The following PARG variants were observed in gnomAD, a reference collection of about 807,000 sequenced individuals.
PARG encodes mitochondrial poly(ADP-ribose) glycohydrolase.
In PARG, 35 loss-of-function variants were observed where a neutral mutation model predicts 113.0. The observed-to-expected ratio is 0.31, with a 90% confidence interval of 0.24 to 0.41. The LOEUF is 0.41. Ranked by LOEUF, PARG falls within the 10% of genes least tolerant of loss-of-function variation. The probability of loss-of-function intolerance (pLI) is 1.00; values close to 1 mark genes in which losing one functional copy is unlikely to be tolerated. For synonymous variants in PARG, 330 were observed against 409.9 expected, an observed-to-expected ratio of 0.81 and a Z score of 2.36; for missense variants, 797 against 1,169.4, an observed-to-expected ratio of 0.68 and a Z score of 4.64.
intron 1 of PARG, among the ~76,000 whole-genome samples, chr10:49,936,596 G>A (rs1838751514): frequency 2.0e-5 from 3 of 152,114 alleles, no homozygotes; most frequent in African/African-American, 7.2e-5. Context: ...ATACTGAATA[G>A]GGATTAAATG....
intron 7 of PARG, among the ~76,000 whole-genome samples, chr10:49,901,899 C>T (rs1848362953): frequency 6.6e-6 from 1 of 152,170 alleles, no homozygotes. Context: ...CATTTCTATT[C>T]AGTCTAACTT....
chr10:49,915,423 A>G (rs1837418072), intron 7 of PARG, among the ~76,000 whole-genome samples: 1 of 152,184 alleles, frequency 6.6e-6, no homozygotes, highest in Non-Finnish European at 1.5e-5. Context: ...GTAAATTGCT[A>G]CAATTAATCT....
At chr10:49,919,171 C>T (rs1837663201) in intron 6 of PARG, among the ~76,000 whole-genome samples, 2 of 152,124 alleles carry the variant, frequency 1.3e-5, no homozygotes, top group South Asian at 4.1e-4. Flanking sequence ...AAACTCCTGA[C>T]CTCTGGCGAC....
At chr10:49,903,469 A>G (rs1554844128) in intron 7 of PARG, among the ~76,000 whole-genome samples, 2 of 151,806 alleles carry the variant, frequency 1.3e-5, no homozygotes. Flanking sequence ...GAATATCCTG[A>G]ACTCAGTTCA....
Position 49,935,139 on chromosome 10 carries a change from A to G in PARG, c.221T>C (p.Phe74Ser). The G allele has an allele frequency of 1.3e-6, 1 of 748,878 alleles. No homozygotes were observed. Among genetic ancestry groups the G allele is most frequent in the South Asian group, 1.6e-5 (1 of 63,906 alleles). 46.4% of individuals were successfully genotyped at this position (748,878 alleles called of 1,614,324 possible). A position where few individuals can be genotyped will look rare whatever the true frequency, so the allele number is the denominator to read the frequency against. ...QHRGSATSLV[F>S]KQKTITSWMD... ...CCAACTGGTAATAGTCTTTTGTTTG[A>G]AAACTATAAAAAAAAATGTATATTC... The change falls in exon 2 of 18, where the codon TTC becomes TCC. Residue 74 changes from phenylalanine (F) to serine (S), a missense_variant. By Grantham distance (155) the Phe-to-Ser change is radical (BLOSUM62 -2). Transcript: ENST00000616448.
chr10:49,881,624 A>G (rs2132633905), intron 8 of PARG, among the ~76,000 whole-genome samples: 1 of 152,296 alleles, frequency 6.6e-6, no homozygotes, highest in South Asian at 2.1e-4. Flanking sequence ...ACCTGAGGAA[A>G]GGGCAGGCAA....
chr10:49,891,166 T>C (rs531403795), intron 7 of PARG, among the ~76,000 whole-genome samples: 2 of 151,470 alleles, frequency 1.3e-5, no homozygotes, highest in African/African-American at 4.8e-5. Context: ...TACAAAAAAT[T>C]AGCCAGGCGT....
intron 16 of PARG, among the ~76,000 whole-genome samples, chr10:49,825,883 T>A (rs1312961700): frequency 1.3e-5 from 2 of 152,226 alleles, no homozygotes; most frequent in Admixed American, 1.3e-4. Context: ...CTCAGCAGTA[T>A]CTCTGAGGTG....
intron 6 of PARG, among the ~76,000 whole-genome samples, chr10:49,920,653 T>C (rs1322572661): frequency 4.0e-5 from 6 of 149,322 alleles, no homozygotes; most frequent in Non-Finnish European, 8.9e-5. Context: ...CATATACGTA[T>C]ATATATGGAG....
intron 15 of PARG, among the ~76,000 whole-genome samples, chr10:49,841,253 C>CA (rs1282550326): frequency 1.2e-4 from 18 of 144,612 alleles, no homozygotes; most frequent in Non-Finnish European, 1.7e-4. Context: ...AACTCCATCT[C>CA]AAAAAAAAAG....
At chr10:49,836,307 C>CTTTTTTTTTTTTTTTTTTTTTTTTTTTTT (rs1168567519) in intron 15 of PARG, among the ~76,000 whole-genome samples, 1 of 48,004 alleles carries the variant, frequency 2.1e-5, no homozygotes, top group Non-Finnish European at 3.6e-5. Flanking sequence ...TTTCTTACGA[C>CTTTTTTTTTTTTTTTTTTTTTTTTTTTTT]TTTTTTTTTT....
intron 16 of PARG, among the ~76,000 whole-genome samples, chr10:49,831,958 C>G (rs964814784): frequency 6.6e-6 from 1 of 152,126 alleles, no homozygotes; most frequent in African/African-American, 2.4e-5. Context: ...CTTGTGGACT[C>G]TGTTCTTAAT....
intron 2 of PARG, among the ~76,000 whole-genome samples, chr10:49,934,732 C>G (rs1266744720): frequency 4.6e-5 from 7 of 151,900 alleles, no homozygotes; most frequent in African/African-American, 1.7e-4. Flanking sequence ...GCCTGTAGTC[C>G]CAGCTACTTG....
chr10:49,826,145 G>T lies in PARG; in HGVS notation c.2648-5852C>A, dbSNP rs1180704510. 5.9e-5 allele frequency among the ~76,000 whole-genome samples: 9 copies of T among 152,258 alleles called. No individual in the cohort carries two copies. In the East Asian group the frequency reaches 1.2e-3, roughly 20 times the overall value. On this transcript the variant is annotated intron_variant, in intron 16 of 17. Transcript: ENST00000616448. ...CTGTAAGAAATAGATACTTGCTCCAGACACCTTTGAATGCACATTATCATG... is the reference window on the plus strand; with the variant it reads ...CTGTAAGAAATAGATACTTGCTCCATACACCTTTGAATGCACATTATCATG...
chr10:49,876,934 T>A (rs554487987), intron 9 of PARG, among the ~76,000 whole-genome samples: 2 of 150,186 alleles, frequency 1.3e-5, no homozygotes, highest in East Asian at 3.9e-4. Context: ...AGGAGCATAT[T>A]ATATATAAAA....
intron 13 of PARG, among the ~76,000 whole-genome samples, chr10:49,849,778 C>G (rs1294190258): frequency 6.6e-6 from 1 of 151,798 alleles, no homozygotes; most frequent in Admixed American, 6.6e-5. Flanking sequence ...TTTGAGAGGC[C>G]GAGGCAGGAG....
At position 49,818,740 on chromosome 10, in the gene PARG, A is replaced by C. The variant is rs1843916393; in HGVS notation, c.*600T>G. On this transcript the variant is annotated 3_prime_UTR_variant, in exon 18 of 18. Coordinates refer to ENST00000616448, the MANE Select transcript of PARG (RefSeq NM_003631.5). ...CCATTACAGATAAAAATGATACCTC[A>C]AAAGTACAATTTCTGGAAATTATTC... The C allele has an allele frequency of 6.6e-6, 1 of 152,262 alleles. No homozygotes were observed. Among genetic ancestry groups the C allele is most frequent in the Non-Finnish European group, 1.5e-5 (1 of 68,052 alleles). 9.4% of individuals were successfully genotyped at this position (152,262 alleles called of 1,614,324 possible). A position where few individuals can be genotyped will look rare whatever the true frequency, so the allele number is the denominator to read the frequency against.
chr10:49,912,992 G>A (rs1261387464), intron 7 of PARG, among the ~76,000 whole-genome samples: 23 of 152,148 alleles, frequency 1.5e-4, no homozygotes, highest in African/African-American at 5.5e-4. Flanking sequence ...AGCATTCCTA[G>A]TACAGAACAT....
At chr10:49,878,763 A>G (rs1336127300) in intron 9 of PARG, among the ~76,000 whole-genome samples, 1 of 152,068 alleles carries the variant, frequency 6.6e-6, no homozygotes, top group Non-Finnish European at 1.5e-5. Flanking sequence ...CCTCAGAGGC[A>G]GGCTCTGGGT....
Sources: gnomAD v4.1 joint callset for allele counts (sites outside exome capture counted in the v4.1 genomes callset) on GRCh38, gnomAD v4.1.1 for gene constraint, MANE v1.5 for transcripts, NCBI Gene and HGNC (gene_info 2026-07-23, HGNC 2026-07-21) for gene names.